DRG2: variants seen among roughly 807,000 people sequenced by gnomAD.
The protein encoded by DRG2 is developmentally regulated GTP binding protein 2.
DRG2 carries 36 observed loss-of-function variants against 53.4 expected under a neutral mutation model. The ratio of observed to expected loss-of-function variants is 0.67; its 90% CI spans 0.52 to 0.89. The LOEUF (loss-of-function observed/expected upper bound fraction) is 0.89. Ranked by LOEUF, DRG2 falls within the 40% of genes least tolerant of loss-of-function variation. The probability of loss-of-function intolerance (pLI) is 0.00; values close to 1 mark genes in which losing one functional copy is unlikely to be tolerated. For missense variants in DRG2, 342 were observed against 481.2 expected, an observed-to-expected ratio of 0.71 and a Z score of 2.71; for synonymous variants, 167 against 192.1, an observed-to-expected ratio of 0.87 and a Z score of 1.08.
In DRG2 at chr17:18,101,990, G is replaced by T; in HGVS notation, c.799G>T (p.Val267Phe). Residue 267 changes from valine (V) to phenylalanine (F), a missense_variant, in exon 9 of 13, where the codon GTC becomes TTC. Coordinates refer to ENST00000225729, the MANE Select transcript of DRG2 (RefSeq NM_001388.5). ...DRLARKPNSVVISCGMKLNLD... is the reference protein window; with the variant it reads ...DRLARKPNSVFISCGMKLNLD... ...CCTGGCCCGAAAACCCAACAGTGTG[G>T]TCATCAGGTGAGGCCACTGGCATCC... 6.2e-7 allele frequency: 1 copy of T among 1,608,680 alleles called. No homozygotes were observed. Among genetic ancestry groups the T allele is most frequent in the South Asian group, 1.1e-5 (1 of 90,264 alleles).
chr17:18,102,399 G>A (rs1395953881), intron 9 of DRG2, among the ~76,000 whole-genome samples: 2 of 152,108 alleles, frequency 1.3e-5, no homozygotes, highest in South Asian at 2.1e-4. Context: ...GTGGCGGGTG[G>A]ATCATGAGGT....
intron 10 of DRG2, 121 bp downstream of exon 10, chr17:18,104,010 C>A: frequency 1.1e-6 from 1 of 935,134 alleles, no homozygotes; most frequent in Non-Finnish European, 1.7e-6. Flanking sequence ...CTAGACACAC[C>A]TCAGCTCTTT....
rs1476175957 is a variant in DRG2 at position 18,099,186 on chromosome 17, C to T, written c.376+109C>T. 1.6e-5 allele frequency: 23 copies of T among 1,429,432 alleles called. No homozygotes were observed. Among genetic ancestry groups the T allele is most frequent in the African/African-American group, 1.3e-4 (9 of 71,048 alleles). The allele number at this position is 1,429,432 out of a possible 1,614,324, so 88.5% of individuals were successfully genotyped here. ...ACTCTGGATCCCTGGTCCATTATCC[C>T]GCTTTCCAGAAAAGACAGGTTCCAG... On this transcript the variant is annotated intron_variant, in intron 4 of 12. Coordinates refer to ENST00000225729, the MANE Select transcript of DRG2 (RefSeq NM_001388.5). This position sits in a 1 kb window ranked among gnomAD's most constrained non-coding sequence, Gnocchi z 4.4.
chr17:18,088,775 T>TA (rs2045261760), intron 1 of DRG2, among the ~76,000 whole-genome samples: 1 of 152,064 alleles, frequency 6.6e-6, no homozygotes, highest in African/African-American at 2.4e-5. Flanking sequence ...AATCTGGACT[T>TA]TAGAATGTAA....
At position 18,098,447 on chromosome 17, in the gene DRG2, G is replaced by C; in HGVS notation, c.315+88G>C. The C allele has an allele frequency of 8.3e-7, 1 of 1,210,206 alleles. No homozygotes were observed. Among genetic ancestry groups the C allele is most frequent in the South Asian group, 1.2e-5 (1 of 81,156 alleles). The allele number at this position is 1,210,206 out of a possible 1,614,324, so 75.0% of individuals were successfully genotyped here. On this transcript the variant is annotated intron_variant, in intron 3 of 12. Coordinates refer to ENST00000225729, the MANE Select transcript of DRG2 (RefSeq NM_001388.5). The surrounding 1 kb of genome is among the most constrained non-coding windows in gnomAD (Gnocchi z 4.1). ...GTGCCCACCCTGTGTGTGAGTCTGG[G>C]TGGATGTCCCCATGTCAGGACAGGC...
At chr17:18,090,384 A>G (rs1419434089) in intron 1 of DRG2, among the ~76,000 whole-genome samples, 2 of 9,286 alleles carry the variant, frequency 2.2e-4, no homozygotes, top group East Asian at 9.1e-3. Flanking sequence ...ATATATATAT[A>G]TATATATATA....
intron 1 of DRG2, 96 bp from the exon 2 acceptor site, chr17:18,093,717 C>T (rs1044888976): frequency 2.8e-5 from 40 of 1,433,376 alleles, no homozygotes; most frequent in Non-Finnish European, 3.7e-5. Context: ...ACAGCAGTTG[C>T]TTCCCAGCCA....
In DRG2 at chr17:18,100,011, G is replaced by T. The variant is rs1052684905; in HGVS notation, c.467+288G>T. The T allele has an allele frequency of 4.3e-5, 25 of 582,546 alleles. No individual in the cohort carries two copies. The highest frequency in any genetic ancestry group is 7.6e-5 in the Non-Finnish European group (25 of 327,036). 36.1% of individuals were successfully genotyped at this position (582,546 alleles called of 1,614,324 possible). On this transcript the variant is annotated intron_variant, in intron 5 of 12. Coordinates refer to ENST00000225729, the MANE Select transcript of DRG2 (RefSeq NM_001388.5). The surrounding 1 kb of genome is among the most constrained non-coding windows in gnomAD (Gnocchi z 4.1). ...CATCACTGCCCAGAACCTGCCAGGA[G>T]CCCAGCCCCAGGCACAGAAGCATTG...
In DRG2 at chr17:18,098,760, G is replaced by T. The variant is rs2045475701; in HGVS notation, c.316-257G>T. On this transcript the variant is annotated intron_variant, in intron 3 of 12. Coordinates refer to ENST00000225729, the MANE Select transcript of DRG2 (RefSeq NM_001388.5). The surrounding 1 kb of genome is among the most constrained non-coding windows in gnomAD (Gnocchi z 4.1). ...GTTCCCATGGTGAAACAATTTATTTGTAAAGTGCTGGTATCATCAGTGATG... is the reference window on the plus strand; with the variant it reads ...GTTCCCATGGTGAAACAATTTATTTTTAAAGTGCTGGTATCATCAGTGATG... 6.6e-6 allele frequency among the ~76,000 whole-genome samples: 1 copy of T among 152,196 alleles called. No homozygotes were observed. The highest frequency in any genetic ancestry group is 1.5e-5 in the Non-Finnish European group (1 of 68,032).
chr17:18,104,737 G>A (rs2045598345), intron 11 of DRG2, 56 bp downstream of exon 11: 3 of 1,612,166 alleles, frequency 1.9e-6, no homozygotes, highest in African/African-American at 2.7e-5. Flanking sequence ...GCCCTTTGGG[G>A]CTCTGTTCTG....
At chr17:18,104,043 G>C (rs1370630654) in intron 10 of DRG2, among the ~76,000 whole-genome samples, 154 bp downstream of exon 10, 1 of 152,204 alleles carries the variant, frequency 6.6e-6, no homozygotes, top group Non-Finnish European at 1.5e-5. Context: ...ACTGGGCACT[G>C]CTGGTTTTGA....
chr17:18,099,413 GTTA>G lies in DRG2; in HGVS notation c.377-215_377-213del, dbSNP rs1372168821. ...TGGTAGGGGTGGGCGTAGGACAGCC[GTTA>G]TTATCCTGTTACTCCTTTTATGATG... On this transcript the variant is annotated intron_variant, in intron 4 of 12. Transcript: ENST00000225729. This position sits in a 1 kb window ranked among gnomAD's most constrained non-coding sequence, Gnocchi z 4.4. 6.3e-6 allele frequency: 4 copies of G among 634,342 alleles called. No individual in the cohort carries two copies. In the African/African-American group the frequency reaches 7.3e-5, roughly 12 times the overall value. 39.3% of individuals were successfully genotyped at this position (634,342 alleles called of 1,614,324 possible). A position where few individuals can be genotyped will look rare whatever the true frequency, so the allele number is the denominator to read the frequency against.
Position 18,098,897 on chromosome 17 carries a change from G to A in DRG2, c.316-120G>A. 1 of 1,124,338 alleles carries A rather than the reference G, an allele frequency of 8.9e-7. No individual in the cohort carries two copies. Among genetic ancestry groups the A allele is most frequent in the Middle Eastern group, 2.8e-4 (1 of 3,548 alleles). The allele number at this position is 1,124,338 out of a possible 1,614,324, so 69.6% of individuals were successfully genotyped here. A position where few individuals can be genotyped will look rare whatever the true frequency, so the allele number is the denominator to read the frequency against. On this transcript the variant is annotated intron_variant, in intron 3 of 12. Transcript: ENST00000225729. This position sits in a 1 kb window ranked among gnomAD's most constrained non-coding sequence, Gnocchi z 4.1. Reference sequence around the variant, plus strand: ...CAAGGCTCAGACTTGGCCACAGGTTGGCATCTGGGTTTCCCTCAGCCCCTG... The same window carrying A: ...CAAGGCTCAGACTTGGCCACAGGTTAGCATCTGGGTTTCCCTCAGCCCCTG...
In DRG2 at chr17:18,098,929, G is replaced by A. The variant is rs182747589; in HGVS notation, c.316-88G>A. The A allele has an allele frequency of 2.5e-5, 37 of 1,482,846 alleles. No individual in the cohort carries two copies. Among genetic ancestry groups the A allele is most frequent in the East Asian group, 2.1e-4 (9 of 43,842 alleles). 91.9% of individuals were successfully genotyped at this position (1,482,846 alleles called of 1,614,324 possible). A position where few individuals can be genotyped will look rare whatever the true frequency, so the allele number is the denominator to read the frequency against. On this transcript the variant is annotated intron_variant, in intron 3 of 12. Transcript: ENST00000225729. This position sits in a 1 kb window ranked among gnomAD's most constrained non-coding sequence, Gnocchi z 4.1. Reference sequence around the variant, plus strand: ...GGGTTTCCCTCAGCCCCTGAGCCCCGGGGCCATTCCAGATGTCCCAGATCC... The same window carrying A: ...GGGTTTCCCTCAGCCCCTGAGCCCCAGGGCCATTCCAGATGTCCCAGATCC...
chr17:18,106,402 C>T (rs1205839588), intron 11 of DRG2, 31 bp from the exon 12 acceptor site: 1 of 1,613,636 alleles, frequency 6.2e-7, no homozygotes, highest in Non-Finnish European at 8.5e-7. Context: ...TGAAGCCTCA[C>T]CTCTCTACCT....
Position 18,098,570 on chromosome 17 carries a change from A to G in DRG2, c.315+211A>G. 1 of 521,202 alleles carries G rather than the reference A, an allele frequency of 1.9e-6. No homozygotes were observed. The allele number at this position is 521,202 out of a possible 1,614,324, so 32.3% of individuals were successfully genotyped here. A position where few individuals can be genotyped will look rare whatever the true frequency, so the allele number is the denominator to read the frequency against. ...TGGTGGGGCCTGGAACTAGGAGGTCAGGCCAGCATGTGGCTACTTTGCCTG... is the reference window on the plus strand; with the variant it reads ...TGGTGGGGCCTGGAACTAGGAGGTCGGGCCAGCATGTGGCTACTTTGCCTG... On this transcript the variant is annotated intron_variant, in intron 3 of 12. Transcript: ENST00000225729. This position sits in a 1 kb window ranked among gnomAD's most constrained non-coding sequence, Gnocchi z 4.1.
In DRG2 at chr17:18,093,827, C is replaced by G; in HGVS notation, c.79C>G (p.Leu27Val). 6.2e-7 allele frequency: 1 copy of G among 1,614,098 alleles called. No individual in the cohort carries two copies. Among genetic ancestry groups the G allele is most frequent in the Non-Finnish European group, 8.5e-7 (1 of 1,179,974 alleles). Reference protein sequence around the residue: ...TQKNKATEYHLGLLKAKLAKY... With the variant: ...TQKNKATEYHVGLLKAKLAKY... Reference sequence around the variant, plus strand: ...CCATCCTTTAGCCACTGAGTATCATCTGGGCCTGCTGAAAGCTAAGCTCGC... The same window carrying G: ...CCATCCTTTAGCCACTGAGTATCATGTGGGCCTGCTGAAAGCTAAGCTCGC... Residue 27 changes from leucine (L) to valine (V), a missense_variant, in exon 2 of 13, where the codon CTG becomes GTG. Transcript: ENST00000225729.
chr17:18,107,212 A>G lies in DRG2; in HGVS notation c.1067A>G (p.Glu356Gly). The G allele has an allele frequency of 6.2e-7, 1 of 1,613,422 alleles. No individual in the cohort carries two copies. Among genetic ancestry groups the G allele is most frequent in the South Asian group, 1.1e-5 (1 of 91,086 alleles). ...RVGLTHTMEH[E>G]DVIQIVKK is the part of the protein sequence containing the mutation. Reference sequence around the variant, plus strand: ...GGCCTGACCCACACCATGGAGCATGAGGACGTCATCCAGATCGTGAAGAAG... The same window carrying G: ...GGCCTGACCCACACCATGGAGCATGGGGACGTCATCCAGATCGTGAAGAAG... Residue 356 changes from glutamate to glycine, a missense_variant, in exon 13 of 13, where the codon GAG becomes GGG. Coordinates refer to ENST00000225729, the MANE Select transcript of DRG2 (RefSeq NM_001388.5).
In DRG2 at chr17:18,102,124, G is replaced by A. The variant is rs150706450; in HGVS notation, c.806+127G>A. The A allele has an allele frequency of 1.6e-3, 1,543 of 977,326 alleles. 12 individuals are homozygous for A. In the African/African-American group the frequency reaches 0.02, roughly 13 times the overall value. 60.5% of individuals were successfully genotyped at this position (977,326 alleles called of 1,614,324 possible). On this transcript the variant is annotated intron_variant, in intron 9 of 12. Transcript: ENST00000225729. ...GCACAGCCTCCAGCAGCACACAGCC[G>A]TCACGGAGCCCAGGACTTCCTGCCC...
Sources: gnomAD v4.1 joint callset for allele counts (sites outside exome capture counted in the v4.1 genomes callset) on GRCh38, gnomAD v4.1.1 for gene constraint, Gnocchi (gnomAD v3.1) non-coding constraint, MANE v1.5 for transcripts, NCBI Gene and HGNC (gene_info 2026-07-23, HGNC 2026-07-21) for gene names.